GAP43: variants seen among roughly 807,000 people sequenced by gnomAD.
GAP43 encodes growth associated protein 43, also known as neuromodulin.
Under a neutral mutation model 18.6 loss-of-function variants are expected in GAP43, and 6 were observed. The observed-to-expected ratio is 0.32, with a 90% CI of 0.18 to 0.64. The LOEUF (loss-of-function observed/expected upper bound fraction) is 0.64, where lower values mean the gene tolerates loss of function less well. GAP43 is among the 30% of genes least tolerant of loss of function. GAP43 has a pLI of 0.78. For synonymous variants in GAP43, 115 were observed against 111.4 expected, an observed-to-expected ratio of 1.03 and a Z score of -0.20; for missense variants, 292 against 295.5, an observed-to-expected ratio of 0.99 and a Z score of 0.09.
At chr3:115,663,588 C>A in intron 1 of GAP43, 1 of 1,302,694 alleles carries the variant, frequency 7.7e-7, no homozygotes, top group East Asian at 3.0e-5. Context: ...CTGTCAAAAT[C>A]TTCACAAGGA....
chr3:115,680,373 C>G (rs906952130), intron 2 of GAP43, among the ~76,000 whole-genome samples: 1 of 152,058 alleles, frequency 6.6e-6, no homozygotes, highest in Admixed American at 6.6e-5. Context: ...GGAAGATCAC[C>G]TGAGCCCGGG....
intron 2 of GAP43, among the ~76,000 whole-genome samples, chr3:115,714,049 T>A (rs563956532): frequency 3.9e-5 from 6 of 152,342 alleles, no homozygotes; most frequent in African/African-American, 1.2e-4. Context: ...AGTAATTTGC[T>A]AGCATATAAA....
chr3:115,679,482 C>A (rs1282130840), intron 2 of GAP43, among the ~76,000 whole-genome samples: 1 of 152,158 alleles, frequency 6.6e-6, no homozygotes, highest in East Asian at 1.9e-4. Flanking sequence ...CAGCTTTTTA[C>A]GTGCCTGGGA....
intron 1 of GAP43, among the ~76,000 whole-genome samples, chr3:115,629,041 C>G (rs1346329482): frequency 6.6e-6 from 1 of 152,198 alleles, no homozygotes; most frequent in Non-Finnish European, 1.5e-5. Flanking sequence ...CCTCAGAGCT[C>G]TAGGAACCTG....
At chr3:115,641,510 T>TCACACACACACACACACACACA (rs376412583) in intron 1 of GAP43, among the ~76,000 whole-genome samples, 119 of 107,052 alleles carry the variant, frequency 1.1e-3, no homozygotes, top group African/African-American at 4.1e-3. Flanking sequence ...ATATATATAT[T>TCACACACACACACACACACACA]CACACACACA....
chr3:115,625,251 G>C (rs1708172118), intron 1 of GAP43, among the ~76,000 whole-genome samples: 1 of 149,698 alleles, frequency 6.7e-6, no homozygotes, highest in Non-Finnish European at 1.5e-5. Context: ...TGGATTGTGT[G>C]GGGCTATTTG....
chr3:115,691,719 T>G (rs1404916982), intron 2 of GAP43, among the ~76,000 whole-genome samples: 2 of 152,208 alleles, frequency 1.3e-5, no homozygotes, highest in African/African-American at 2.4e-5. Context: ...CTATTCTATT[T>G]GGCCTACCTT....
intron 2 of GAP43, among the ~76,000 whole-genome samples, chr3:115,684,507 A>G (rs1376097453): frequency 1.3e-5 from 2 of 152,188 alleles, no homozygotes; most frequent in Non-Finnish European, 2.9e-5. Flanking sequence ...CACACATTCA[A>G]TATGTAGGGA....
chr3:115,671,123 A>C (rs1353371516), intron 1 of GAP43, among the ~76,000 whole-genome samples: 3 of 152,184 alleles, frequency 2.0e-5, no homozygotes, highest in Non-Finnish European at 4.4e-5. Flanking sequence ...TGAATGGATG[A>C]TGTTATTTTT....
intron 1 of GAP43, among the ~76,000 whole-genome samples, chr3:115,671,476 A>G (rs1021178013): frequency 2.6e-5 from 4 of 152,220 alleles, no homozygotes; most frequent in African/African-American, 9.6e-5. Context: ...GGGATGTCCT[A>G]CACCTTGGTT....
intron 1 of GAP43, among the ~76,000 whole-genome samples, chr3:115,669,259 T>G (rs1366690989): frequency 6.6e-6 from 1 of 152,242 alleles, no homozygotes; most frequent in Non-Finnish European, 1.5e-5. Context: ...GCTTACTAAT[T>G]TCTATAATTG....
At chr3:115,640,907 CTTT>C (rs1406002159) in intron 1 of GAP43, among the ~76,000 whole-genome samples, 1 of 150,084 alleles carries the variant, frequency 6.7e-6, no homozygotes, top group Non-Finnish European at 1.5e-5. Flanking sequence ...TCTCTTTTTT[CTTT>C]TTCTTTCTTT....
chr3:115,695,746 C>T (rs1709180164), intron 2 of GAP43, among the ~76,000 whole-genome samples: 1 of 152,184 alleles, frequency 6.6e-6, no homozygotes, highest in South Asian at 2.1e-4. Flanking sequence ...CCCCAAACTC[C>T]CCATCCAGTG....
intron 1 of GAP43, among the ~76,000 whole-genome samples, chr3:115,661,967 A>C (rs1355476944): frequency 6.7e-6 from 1 of 149,590 alleles, no homozygotes; most frequent in African/African-American, 2.5e-5. Flanking sequence ...TTGATAAGCA[A>C]TGGGAATGTC....
At chr3:115,642,905 T>G (rs1174189841) in intron 1 of GAP43, among the ~76,000 whole-genome samples, 1 of 152,086 alleles carries the variant, frequency 6.6e-6, no homozygotes, top group African/African-American at 2.4e-5. Flanking sequence ...TGTGTGTTTG[T>G]GTGAATGTAT....
intron 2 of GAP43, among the ~76,000 whole-genome samples, chr3:115,690,069 A>T (rs543938062): frequency 6.6e-6 from 1 of 152,316 alleles, no homozygotes; most frequent in East Asian, 1.9e-4. Flanking sequence ...CCTTGCTGGT[A>T]AAAGATGGTT....
intron 2 of GAP43, among the ~76,000 whole-genome samples, chr3:115,720,320 C>G (rs1297288108): frequency 6.6e-6 from 1 of 152,240 alleles, no homozygotes; most frequent in Middle Eastern, 3.4e-3. Context: ...TAGCACTGTC[C>G]CACAGGAGCT....
At chr3:115,709,950 C>T (rs181679430) in intron 2 of GAP43, among the ~76,000 whole-genome samples, 6 of 152,020 alleles carry the variant, frequency 3.9e-5, no homozygotes, top group East Asian at 1.9e-4. Context: ...AACTTTTTCA[C>T]GGCACCCCTA....
At chr3:115,663,806 C>A in intron 1 of GAP43, 2 of 1,551,778 alleles carry the variant, frequency 1.3e-6, no homozygotes, top group Non-Finnish European at 1.7e-6. Flanking sequence ...TGAATTATGC[C>A]ACCCCGCACT....
Sources: gnomAD v4.1 joint callset for allele counts (sites outside exome capture counted in the v4.1 genomes callset) on GRCh38, gnomAD v4.1.1 for gene constraint, MANE v1.5 for transcripts, NCBI Gene and HGNC (gene_info 2026-07-23, HGNC 2026-07-21) for gene names.